The following TRPM3 variants were observed in gnomAD, a reference collection of about 807,000 sequenced individuals.
The protein encoded by TRPM3 is transient receptor potential cation channel subfamily M member 3.
TRPM3 carries 77 observed loss-of-function variants against 181.2 expected under a neutral mutation model. That is an observed-to-expected ratio of 0.42 (90% CI 0.35 to 0.51). The LOEUF is 0.51. Among genes scored for constraint, TRPM3 ranks in the 20% least tolerant of loss-of-function variants. The pLI is 0.01. For synonymous variants in TRPM3, 745 were observed against 796.4 expected (o/e 0.94, Z 1.09); for missense variants, 1,759 against 2,196.7 (o/e 0.80, Z 3.98).
At position 70,796,965 on chromosome 9, in the gene TRPM3, CAA is replaced by C. The variant is rs549513629; in HGVS notation, c.974-12688_974-12687del. On this transcript the variant is annotated intron_variant, in intron 6 of 25. Coordinates refer to ENST00000677713, the MANE Select transcript of TRPM3 (RefSeq NM_001366145.2). ...AAAACATAGGGAGATCTTGTCTCTA[CAA>C]AAAAATTTAAAAGTTAGCTGGGCAT... Among the ~76,000 whole-genome samples, 1,210 of 151,710 alleles carry C rather than the reference CAA, an allele frequency of 8.0e-3. 19 individuals carry two copies. Among genetic ancestry groups the C allele is most frequent in the African/African-American group, 0.028 (1,138 of 41,364 alleles).
intron 8 of TRPM3, among the ~76,000 whole-genome samples, chr9:70,745,990 A>G (rs1487613522): frequency 6.6e-6 from 1 of 152,210 alleles, no homozygotes; most frequent in African/African-American, 2.4e-5. Context: ...TTGTAGTTAC[A>G]GTTAACAATT....
At chr9:71,400,101 C>T (rs1414477639) in intron 1 of TRPM3, among the ~76,000 whole-genome samples, 5 of 152,138 alleles carry the variant, frequency 3.3e-5, no homozygotes, top group East Asian at 1.9e-4. Flanking sequence ...CAATGCCTCT[C>T]GGTTATCATT....
intron 1 of TRPM3, among the ~76,000 whole-genome samples, chr9:71,187,696 C>G (rs754392635): frequency 6.6e-6 from 1 of 151,912 alleles, no homozygotes. Flanking sequence ...GATTACTAAA[C>G]AAAATCTAAA....
chr9:71,024,062 A>G (rs539091153), intron 1 of TRPM3, among the ~76,000 whole-genome samples: 6 of 152,368 alleles, frequency 3.9e-5, no homozygotes, highest in Non-Finnish European at 7.3e-5. Flanking sequence ...AAATTATACT[A>G]TGATTTTGCA....
chr9:71,161,791 G>C (rs531192366), intron 1 of TRPM3, among the ~76,000 whole-genome samples: 7 of 152,212 alleles, frequency 4.6e-5, no homozygotes, highest in Middle Eastern at 3.4e-3. Flanking sequence ...ATGTCAAAAG[G>C]AGAGTCTTAA....
At chr9:71,010,685 A>G (rs1300900901) in intron 1 of TRPM3, among the ~76,000 whole-genome samples, 5 of 152,204 alleles carry the variant, frequency 3.3e-5, no homozygotes, top group Non-Finnish European at 7.4e-5. Context: ...GTGGGGATGT[A>G]AATTAGTACA....
chr9:71,257,536 A>T (rs1184107411), intron 1 of TRPM3, among the ~76,000 whole-genome samples: 1 of 152,238 alleles, frequency 6.6e-6, no homozygotes, highest in African/African-American at 2.4e-5. Context: ...AACATTATAT[A>T]TGAGATATTT....
At chr9:70,868,466 A>C (rs1167859678) in intron 1 of TRPM3, among the ~76,000 whole-genome samples, 1 of 152,102 alleles carries the variant, frequency 6.6e-6, no homozygotes, top group Non-Finnish European at 1.5e-5. Context: ...AAGTCATTTC[A>C]TTTAAGCAGG....
At chr9:70,814,497 C>G (rs1246815893) in intron 6 of TRPM3, among the ~76,000 whole-genome samples, 2 of 152,070 alleles carry the variant, frequency 1.3e-5, no homozygotes, top group South Asian at 2.1e-4. Context: ...ATTCACCAAC[C>G]CTAAAGGGGT....
upstream of TRPM3, among the ~76,000 whole-genome samples, chr9:71,126,336 C>T (rs576829133): frequency 2.2e-4 from 34 of 152,218 alleles, no homozygotes; most frequent in South Asian, 5.6e-3. Flanking sequence ...CCTCAAAGAC[C>T]GAGAACCACT....
chr9:71,114,241 T>A (rs923825651), intron 1 of TRPM3, among the ~76,000 whole-genome samples: 4 of 152,218 alleles, frequency 2.6e-5, no homozygotes, highest in African/African-American at 9.7e-5. Context: ...CTCCTATGCA[T>A]GTCCCTCTGA....
chr9:70,746,133 C>G (rs557275431), intron 8 of TRPM3, among the ~76,000 whole-genome samples: 2 of 152,162 alleles, frequency 1.3e-5, no homozygotes, highest in East Asian at 3.9e-4. Flanking sequence ...GTGCTGACAC[C>G]CTGACCTGAC....
chr9:71,285,149 G>T (rs2085175279), intron 1 of TRPM3, among the ~76,000 whole-genome samples: 1 of 152,154 alleles, frequency 6.6e-6, no homozygotes, highest in African/African-American at 2.4e-5. Flanking sequence ...ACCTAAGTAA[G>T]ATATTTTACA....
chr9:70,892,398 TA>T (rs1054485202), intron 1 of TRPM3, among the ~76,000 whole-genome samples: 11 of 152,248 alleles, frequency 7.2e-5, no homozygotes, highest in African/African-American at 2.6e-4. Context: ...TGCCTTTAAA[TA>T]AATGAAGTCA....
intron 1 of TRPM3, among the ~76,000 whole-genome samples, chr9:71,389,468 A>T (rs2093008024): frequency 6.6e-6 from 1 of 152,184 alleles, no homozygotes. Context: ...TTGATCCAGC[A>T]GTCCCCTCCT....
At chr9:71,241,908 C>T (rs1010768448) in intron 1 of TRPM3, among the ~76,000 whole-genome samples, 1 of 152,176 alleles carries the variant, frequency 6.6e-6, no homozygotes, top group Non-Finnish European at 1.5e-5. Flanking sequence ...AAAAATACAG[C>T]TCATGTGACT....
intron 1 of TRPM3, among the ~76,000 whole-genome samples, chr9:71,028,945 G>T (rs2056939385): frequency 6.6e-6 from 1 of 152,142 alleles, no homozygotes; most frequent in Non-Finnish European, 1.5e-5. Context: ...GACACCTACA[G>T]AACTCTCTAT....
At chr9:70,554,507 T>C (rs550733602) in intron 22 of TRPM3, among the ~76,000 whole-genome samples, 3 of 152,274 alleles carry the variant, frequency 2.0e-5, no homozygotes, top group African/African-American at 7.2e-5. Context: ...AGGCTGCACA[T>C]TCTACAGTGA....
In TRPM3 at chr9:71,147,568, C is replaced by T. The variant is rs80206449; in HGVS notation, c.184-283057G>A. Among the ~76,000 whole-genome samples the T allele has an allele frequency of 1.1e-3, 161 of 152,236 alleles. 1 individual carries two copies. Among genetic ancestry groups the T allele is most frequent in the Non-Finnish European group, 1.2e-3 (79 of 68,000 alleles). On this transcript the variant is annotated intron_variant, in intron 1 of 24. Coordinates refer to the TRPM3 transcript ENST00000357533. ...ACCCAGAGCCTCCTGAAGTCCTATA[C>T]ATACACTTGACAAAAACCCTCAAGA... is the stretch of plus-strand genomic sequence containing the variant.
Sources: gnomAD v4.1 joint callset for allele counts (sites outside exome capture counted in the v4.1 genomes callset) on GRCh38, gnomAD v4.1.1 for gene constraint, MANE v1.5 for transcripts, NCBI Gene and HGNC (gene_info 2026-07-23, HGNC 2026-07-21) for gene names.